ZNF10: variants seen among roughly 807,000 people sequenced by gnomAD.
ZNF10 encodes the protein zinc finger protein 10, also known as zinc finger protein 10 (KOX 1).
ZNF10 carries 8 observed loss-of-function variants against 12.2 expected under a neutral mutation model. The ratio of observed to expected loss-of-function variants is 0.66; its 90% CI spans 0.39 to 1.18. The LOEUF (loss-of-function observed/expected upper bound fraction) is 1.18, where lower values mean the gene tolerates loss of function less well. Ranked by LOEUF, ZNF10 falls within the 50% of genes most tolerant of loss-of-function variation. The pLI is 0.01. For missense variants in ZNF10, 603 were observed against 678.9 expected, an observed-to-expected ratio of 0.89 and a Z score of 1.24; for synonymous variants, 229 against 228.2, an observed-to-expected ratio of 1.00 and a Z score of -0.03.
intron 2 of ZNF10, among the ~76,000 whole-genome samples, chr12:133,145,173 C>T (rs943282684): frequency 6.6e-6 from 1 of 152,154 alleles, no homozygotes; most frequent in Non-Finnish European, 1.5e-5. Context: ...CTACCCCGCC[C>T]GGCCAACCAG....
intron 1 of ZNF10, among the ~76,000 whole-genome samples, chr12:133,141,177 A>G (rs1228872741): frequency 6.6e-6 from 1 of 152,214 alleles, no homozygotes; most frequent in African/African-American, 2.4e-5. Flanking sequence ...AGGCACTGCT[A>G]AATCTGTCTA....
Position 133,144,442 on chromosome 12 carries a change from C to T in ZNF10, c.-51C>T, listed in dbSNP as rs1955964034. On this transcript the variant is annotated 5_prime_UTR_variant, in exon 2 of 5. Coordinates refer to ENST00000248211, the MANE Select transcript of ZNF10 (RefSeq NM_015394.5). ...TTCTTTCTTTTTCCCAGCTTTGTCT[C>T]CTCAGCACTCTGCTGTCACTCAAGG... 2 of 1,595,380 alleles carry T rather than the reference C, an allele frequency of 1.3e-6. No individual in the cohort carries two copies. The highest frequency in any genetic ancestry group is 2.2e-5 in the East Asian group (1 of 44,726).
In ZNF10 at chr12:133,157,115, G is replaced by T; in HGVS notation, c.*147G>T. The T allele has an allele frequency of 1.5e-6, 1 of 663,100 alleles. No homozygotes were observed. Among genetic ancestry groups the T allele is most frequent in the Non-Finnish European group, 2.1e-6 (1 of 465,396 alleles). The allele number at this position is 663,100 out of a possible 1,614,324, so 41.1% of individuals were successfully genotyped here. A position where few individuals can be genotyped will look rare whatever the true frequency, so the allele number is the denominator to read the frequency against. On this transcript the variant is annotated 3_prime_UTR_variant, in exon 5 of 5. Transcript: ENST00000248211. ...ACATTAGAGAATTGGTCCTGGAAGG[G>T]AAAGAAACCACAGATTTTATTTCAG...
intron 2 of ZNF10, among the ~76,000 whole-genome samples, chr12:133,149,156 A>G (rs139895112): frequency 6.9e-4 from 105 of 152,034 alleles, no homozygotes; most frequent in Non-Finnish European, 1.2e-3. Context: ...CAGTGGTGCT[A>G]TCACAGCTCA....
In ZNF10 at chr12:133,157,895, A is replaced by G. The variant is rs951622380; in HGVS notation, c.*927A>G. 2 of 152,236 alleles carry G rather than the reference A, an allele frequency of 1.3e-5. No individual in the cohort carries two copies. Among genetic ancestry groups the G allele is most frequent in the Non-Finnish European group, 2.9e-5 (2 of 68,042 alleles). 9.4% of individuals were successfully genotyped at this position (152,236 alleles called of 1,614,324 possible). ...CTAGGGGAACATTGGGCATTTGAAC[A>G]TATCAGGGAGGGTCCCCATTTTAGT... is the stretch of plus-strand genomic sequence containing the variant. On this transcript the variant is annotated 3_prime_UTR_variant, in exon 5 of 5. Transcript: ENST00000248211.
intron 1 of ZNF10, among the ~76,000 whole-genome samples, chr12:133,141,329 A>G (rs1450894263): frequency 2.6e-5 from 4 of 152,224 alleles, no homozygotes; most frequent in Non-Finnish European, 2.9e-5. Context: ...CTGGCATCCA[A>G]TCAAATTCAC....
In ZNF10 at chr12:133,155,889, T is replaced by C. The variant is rs772334585; in HGVS notation, c.643T>C (p.Cys215Arg). ...QDSCASNSNE[C>R]GQTFCQNIHL... is the part of the protein sequence containing the mutation. Reference sequence around the variant, plus strand: ...CAGTTGTGCAAGTAACAGTAATGAATGTGGTCAAACTTTCTGTCAAAACAT... The same window carrying C: ...CAGTTGTGCAAGTAACAGTAATGAACGTGGTCAAACTTTCTGTCAAAACAT... The change falls in exon 5 of 5, where the codon TGT becomes CGT. Residue 215 changes from cysteine to arginine, a missense_variant. Cys to Arg is a radical substitution (Grantham distance 180). This residue lies in a region of ZNF10 where 393 missense variants were observed against 399.7 expected (regional missense o/e 0.98). Coordinates refer to ENST00000248211, the MANE Select transcript of ZNF10 (RefSeq NM_015394.5). The C allele has an allele frequency of 1.5e-5, 25 of 1,613,690 alleles. No individual in the cohort carries two copies. The highest frequency in any genetic ancestry group is 2.1e-5 in the Non-Finnish European group (25 of 1,179,870).
chr12:133,144,740 A>G (rs1955965810), intron 2 of ZNF10, among the ~76,000 whole-genome samples: 1 of 152,206 alleles, frequency 6.6e-6, no homozygotes, highest in African/African-American at 2.4e-5. Context: ...TATACAAAAT[A>G]AAAATAGTAG....
chr12:133,139,211 C>A (rs1197706211), intron 1 of ZNF10: 1 of 152,146 alleles, frequency 6.6e-6, no homozygotes, highest in East Asian at 1.9e-4. Context: ...GCTGTGGGAG[C>A]AAAGAGTAAG....
intron 1 of ZNF10, among the ~76,000 whole-genome samples, chr12:133,132,618 G>A (rs1489432032): frequency 2.6e-5 from 4 of 152,144 alleles, no homozygotes; most frequent in Admixed American, 2.6e-4. Flanking sequence ...ACTCTTTCTA[G>A]CATGTCTCAT....
At chr12:133,143,237 A>T (rs1475020688) in intron 1 of ZNF10, among the ~76,000 whole-genome samples, 1 of 152,164 alleles carries the variant, frequency 6.6e-6, no homozygotes, top group Non-Finnish European at 1.5e-5. Flanking sequence ...GTTTGGAGCG[A>T]TGGAAAAGTT....
In ZNF10 at chr12:133,159,057, T is replaced by A. The variant is rs1956058233; in HGVS notation, c.*2089T>A. The A allele has an allele frequency of 6.6e-6, 1 of 152,238 alleles. No homozygotes were observed. The allele number at this position is 152,238 out of a possible 1,614,324, so 9.4% of individuals were successfully genotyped here. A position where few individuals can be genotyped will look rare whatever the true frequency, so the allele number is the denominator to read the frequency against. ...TAACCTGTGGCTCAATTTCCTCAAC[T>A]GTATAATGAGGTTACTACTAGTATC... On this transcript the variant is annotated 3_prime_UTR_variant, in exon 5 of 5. Coordinates refer to ENST00000248211, the MANE Select transcript of ZNF10 (RefSeq NM_015394.5).
At chr12:133,139,035 G>C (rs1348987087) in intron 1 of ZNF10, among the ~76,000 whole-genome samples, 1 of 152,170 alleles carries the variant, frequency 6.6e-6, no homozygotes, top group Non-Finnish European at 1.5e-5. Flanking sequence ...ATTTGTAACT[G>C]ATCTTTACTT....
chr12:133,155,729 G>T lies in ZNF10; in HGVS notation c.483G>T (p.Glu161Asp). The change falls in exon 5 of 5, where the codon GAG becomes GAT. Residue 161 changes from glutamate to aspartate, a missense_variant. By Grantham distance (45) the Glu-to-Asp change is conservative. This residue lies in a region of ZNF10 where 393 missense variants were observed against 399.7 expected (regional missense o/e 0.98). Transcript: ENST00000248211. ...CCCAAAAGAAAGTACTTACTCAGGA[G>T]AGAGTCTCTGAAAGTGGTAAATATG... ...AFTQKKVLTQ[E>D]RVSESGKYGG... is the part of the protein sequence containing the mutation. The T allele has an allele frequency of 1.9e-6, 3 of 1,612,370 alleles. No homozygotes were observed. Among genetic ancestry groups the T allele is most frequent in the Middle Eastern group, 1.7e-4 (1 of 6,046 alleles).
At chr12:133,131,246 G>T (rs1445101508) in intron 1 of ZNF10, among the ~76,000 whole-genome samples, 1 of 151,802 alleles carries the variant, frequency 6.6e-6, no homozygotes, top group Admixed American at 6.6e-5. Context: ...TTAACTGAAG[G>T]CGTGTTTGTG....
chr12:133,150,775 A>G (rs974104732), intron 2 of ZNF10, among the ~76,000 whole-genome samples: 2 of 152,208 alleles, frequency 1.3e-5, no homozygotes, highest in African/African-American at 4.8e-5. Context: ...TTTAATTTAA[A>G]TAAAAATGCT....
chr12:133,147,482 T>G (rs998964337), intron 2 of ZNF10, among the ~76,000 whole-genome samples: 2 of 152,258 alleles, frequency 1.3e-5, no homozygotes, highest in Admixed American at 6.5e-5. Flanking sequence ...ATTTTAACTT[T>G]CATTTCCCTA....
At chr12:133,131,032 A>G (rs1955871755) in intron 1 of ZNF10, 1 of 152,072 alleles carries the variant, frequency 6.6e-6, no homozygotes, top group Non-Finnish European at 1.5e-5. Context: ...TGAACCAGAT[A>G]TTTTCAGTAA....
chr12:133,144,605 A>G (rs544554023), intron 2 of ZNF10, 80 bp downstream of exon 2: 151 of 1,392,680 alleles, frequency 1.1e-4, no homozygotes, highest in Non-Finnish European at 1.5e-4. Flanking sequence ...TTCAGAAATT[A>G]TATCTTCTTC....
Sources: allele counts gnomAD v4.1 joint callset (sites outside exome capture counted in the v4.1 genomes callset), GRCh38; gene constraint gnomAD v4.1.1; regional missense constraint gnomAD v4.1.1; transcripts MANE v1.5; gene names NCBI Gene and HGNC (gene_info 2026-07-23, HGNC 2026-07-21).